Variants in TIAM1 observed in about 807,000 individuals in gnomAD.
TIAM1 encodes rho guanine nucleotide exchange factor TIAM1.
TIAM1 carries 65 observed loss-of-function variants against 163.5 expected under a neutral mutation model. That is an observed-to-expected ratio of 0.40 (90% CI 0.33 to 0.49). The LOEUF is 0.49. Ranked by LOEUF, TIAM1 falls within the 20% of genes least tolerant of loss-of-function variation. TIAM1 has a pLI of 0.77. For missense variants in TIAM1, 1,789 were observed against 2,044.7 expected (o/e 0.87, Z 2.41); for synonymous variants, 833 against 810.1 (o/e 1.03, Z -0.48).
intron 14 of TIAM1, among the ~76,000 whole-genome samples, chr21:31,186,657 T>C (rs1437925504): frequency 2.0e-5 from 3 of 151,892 alleles, no homozygotes; most frequent in Non-Finnish European, 4.4e-5. Flanking sequence ...CATGCACCTG[T>C]ACTCCCCTAG....
intron 1 of TIAM1, among the ~76,000 whole-genome samples, chr21:31,518,742 C>T (rs896417551): frequency 7.9e-5 from 12 of 152,120 alleles, no homozygotes; most frequent in African/African-American, 2.2e-4. Flanking sequence ...GGTGGCAGCT[C>T]ACATCATGGA....
chr21:31,550,109 G>C (rs192971122), intron 1 of TIAM1, among the ~76,000 whole-genome samples: 252 of 150,548 alleles, frequency 1.7e-3, no homozygotes, highest in Non-Finnish European at 2.8e-3. Flanking sequence ...GGGCGACAGA[G>C]AGAGATTCCG....
intron 2 of TIAM1, among the ~76,000 whole-genome samples, chr21:31,281,680 GTGGATGGATGGA>G (rs546267553): frequency 6.6e-6 from 1 of 152,158 alleles, no homozygotes; most frequent in East Asian, 1.9e-4. Flanking sequence ...GGACAGATAA[GTGGATGGATGGA>G]TGGATGGATG....
At chr21:31,465,591 G>A (rs1244732645) in intron 1 of TIAM1, among the ~76,000 whole-genome samples, 3 of 147,758 alleles carry the variant, frequency 2.0e-5, no homozygotes, top group African/African-American at 7.5e-5. Context: ...TTTTTTTTGA[G>A]ACGGAGTCTC....
intron 2 of TIAM1, among the ~76,000 whole-genome samples, chr21:31,376,871 T>A (rs901007755): frequency 6.6e-6 from 1 of 151,904 alleles, no homozygotes; most frequent in African/African-American, 2.4e-5. Flanking sequence ...TTTTATTTTA[T>A]TTTTTGAATC....
intron 2 of TIAM1, among the ~76,000 whole-genome samples, chr21:31,382,965 C>T (rs113889607): frequency 9.2e-5 from 14 of 152,260 alleles, no homozygotes; most frequent in South Asian, 2.1e-4. Context: ...ATAGGCCAGG[C>T]GTGGTGGCTC....
chr21:31,230,690 A>G (rs1407280393), intron 6 of TIAM1, among the ~76,000 whole-genome samples: 3 of 151,984 alleles, frequency 2.0e-5, no homozygotes, highest in Non-Finnish European at 4.4e-5. Flanking sequence ...GGAGCCACAC[A>G]CCCAGCTAGT....
chr21:31,324,494 T>C (rs1335995707), intron 2 of TIAM1, among the ~76,000 whole-genome samples: 1 of 152,206 alleles, frequency 6.6e-6, no homozygotes, highest in African/African-American at 2.4e-5. Context: ...TTTCTGACAA[T>C]TCTATCAGGA....
intron 14 of TIAM1, among the ~76,000 whole-genome samples, chr21:31,183,981 C>T (rs1051510555): frequency 1.3e-5 from 2 of 152,154 alleles, no homozygotes; most frequent in Non-Finnish European, 2.9e-5. Flanking sequence ...CGAAGTCTCA[C>T]TCTGTTGCCC....
chr21:31,481,977 G>A (rs959504195), intron 1 of TIAM1, among the ~76,000 whole-genome samples: 6 of 151,500 alleles, frequency 4.0e-5, no homozygotes, highest in Non-Finnish European at 7.4e-5. Flanking sequence ...CTATCAAGAG[G>A]TCCCCAGTGT....
chr21:31,242,554 T>C (rs948622396), intron 6 of TIAM1, among the ~76,000 whole-genome samples: 3 of 152,098 alleles, frequency 2.0e-5, no homozygotes, highest in African/African-American at 7.2e-5. Flanking sequence ...TGCCTGAGCG[T>C]TGATGATAGG....
At chr21:31,298,425 G>A (rs988805785) in intron 2 of TIAM1, among the ~76,000 whole-genome samples, 7 of 152,104 alleles carry the variant, frequency 4.6e-5, no homozygotes, top group East Asian at 3.9e-4. Flanking sequence ...TGACTACCGC[G>A]GGAAATAATC....
At chr21:31,444,182 T>C (rs768845555) in intron 2 of TIAM1, among the ~76,000 whole-genome samples, 1 of 152,168 alleles carries the variant, frequency 6.6e-6, no homozygotes, top group African/African-American at 2.4e-5. Flanking sequence ...CCACGGAAAT[T>C]ACAGCAGCAG....
chr21:31,139,333 A>C (rs2082744068), intron 22 of TIAM1, among the ~76,000 whole-genome samples: 1 of 152,214 alleles, frequency 6.6e-6, no homozygotes, highest in South Asian at 2.1e-4. Flanking sequence ...AGTAAAATGC[A>C]CTTCTGTCAG....
At chr21:31,429,834 C>A (rs946576221) in intron 2 of TIAM1, among the ~76,000 whole-genome samples, 2 of 151,772 alleles carry the variant, frequency 1.3e-5, no homozygotes, top group Admixed American at 1.3e-4. Context: ...CGCTACTCCA[C>A]ATGTTACTTT....
chr21:31,314,678 C>T (rs983717516), intron 2 of TIAM1, among the ~76,000 whole-genome samples: 20 of 152,110 alleles, frequency 1.3e-4, no homozygotes, highest in African/African-American at 4.6e-4. Flanking sequence ...AAGGTTTCAA[C>T]CCTCAGTTGA....
chr21:31,551,652 A>C (rs1601077631), intron 1 of TIAM1, among the ~76,000 whole-genome samples: 5 of 152,294 alleles, frequency 3.3e-5, no homozygotes, highest in Admixed American at 3.3e-4. Context: ...CTGAGGCAGG[A>C]GGATCGCTTG....
In TIAM1 at chr21:31,385,122, C is replaced by T. The variant is rs73356851; in HGVS notation, c.-368-45700G>A. On this transcript the variant is annotated intron_variant, in intron 2 of 28. Transcript: ENST00000286827. ...TATTGTTCAGGCTGGAGTGCAATGG[C>T]GCGATCCAGGTTCACTGCAACCTCC... 6.6e-3 allele frequency among the ~76,000 whole-genome samples: 998 copies of T among 152,172 alleles called. 8 individuals carry two copies. Among genetic ancestry groups the T allele is most frequent in the African/African-American group, 0.022 (933 of 41,506 alleles).
rs1424712546 is a variant in TIAM1, at chr21:31,478,498, C to A, written c.-421-14463G>T. On this transcript the variant is annotated intron_variant, in intron 1 of 28. Transcript: ENST00000286827. ...AGTCACATCGTAATACATATCCTGG[C>A]GACTTGCTTTTTCACTCAACATTAT... Among the ~76,000 whole-genome samples, 6 of 152,122 alleles carry A rather than the reference C, an allele frequency of 3.9e-5. No individual in the cohort carries two copies. In the East Asian group the frequency reaches 1.2e-3, roughly 29 times the overall value.
Sources: allele counts gnomAD v4.1 joint callset (sites outside exome capture counted in the v4.1 genomes callset), GRCh38; gene constraint gnomAD v4.1.1; transcripts MANE v1.5; gene names NCBI Gene and HGNC (gene_info 2026-07-23, HGNC 2026-07-21).